Variants in PRDM16 observed in about 807,000 individuals in gnomAD.
The protein encoded by PRDM16 is histone-lysine N-methyltransferase PRDM16.
Under a neutral mutation model 110.6 loss-of-function variants are expected in PRDM16, and 23 were observed. That is an observed-to-expected ratio of 0.21 (90% confidence interval 0.15 to 0.29). The LOEUF (loss-of-function observed/expected upper bound fraction) is 0.29, where lower values mean the gene tolerates loss of function less well. Ranked by LOEUF, PRDM16 falls within the 10% of genes least tolerant of loss-of-function variation. The pLI, the probability that PRDM16 is intolerant of heterozygous loss-of-function variation, is 1.00. For missense variants in PRDM16, 1,615 were observed against 1,794.3 expected (o/e 0.90, Z 1.81); for synonymous variants, 799 against 781.8 (o/e 1.02, Z -0.37).
intron 1 of PRDM16, among the ~76,000 whole-genome samples, chr1:3,127,145 T>C (rs943725742): frequency 2.0e-5 from 3 of 152,264 alleles, no homozygotes; most frequent in African/African-American, 7.2e-5. Context: ...GTCTCTTGTT[T>C]TGCAAAACTC....
chr1:3,351,844 T>TC (rs985310757), intron 3 of PRDM16, among the ~76,000 whole-genome samples: 6 of 147,068 alleles, frequency 4.1e-5, no homozygotes, highest in Non-Finnish European at 9.0e-5. Flanking sequence ...GGGTTCCGCC[T>TC]CCCCCTTGAG....
At chr1:3,377,896 T>C (rs1643022788) in intron 3 of PRDM16, among the ~76,000 whole-genome samples, 1 of 152,314 alleles carries the variant, frequency 6.6e-6, no homozygotes, top group Admixed American at 6.5e-5. Flanking sequence ...CCACTTCTTA[T>C]CTGTACTGGC....
At chr1:3,315,149 G>A (rs1202946425) in intron 3 of PRDM16, among the ~76,000 whole-genome samples, 4 of 146,160 alleles carry the variant, frequency 2.7e-5, no homozygotes, top group African/African-American at 5.1e-5. Flanking sequence ...TTTCTCCCCC[G>A]CTTCACTCCG....
At chr1:3,197,973 C>G (rs12095357) in intron 2 of PRDM16, among the ~76,000 whole-genome samples, 3,743 of 152,290 alleles carry the variant, frequency 0.025, 156 homozygotes, top group African/African-American at 0.081. Flanking sequence ...TCTCATGGGC[C>G]GGGTCATCAG....
At chr1:3,402,730 C>T in intron 5 of PRDM16, 61 bp from the exon 6 acceptor site, 3 of 1,495,360 alleles carry the variant, frequency 2.0e-6, no homozygotes, top group African/African-American at 2.7e-5. Context: ...TCCAGAGTCC[C>T]CTGATAGCCC....
Position 3,353,303 on chromosome 1 carries a change from C to T in PRDM16, c.439-31849C>T, listed in dbSNP as rs1377106291. ...GGCAGGCCCATTTCTCACCTGCAGC[C>T]TGGGTCCCTGCAGAAACCTGGCTCG... is the stretch of plus-strand genomic sequence containing the variant. On this transcript the variant is annotated intron_variant, in intron 3 of 16. Coordinates refer to ENST00000270722, the MANE Select transcript of PRDM16 (RefSeq NM_022114.4). This position sits in a 1 kb window ranked among gnomAD's most constrained non-coding sequence, Gnocchi z 5.4. Among the ~76,000 whole-genome samples, 1 of 152,244 alleles carries T rather than the reference C, an allele frequency of 6.6e-6. No homozygotes were observed. The highest frequency in any genetic ancestry group is 1.5e-5 in the Non-Finnish European group (1 of 68,038).
intron 3 of PRDM16, among the ~76,000 whole-genome samples, chr1:3,374,498 G>A (rs561320629): frequency 5.3e-5 from 8 of 152,300 alleles, no homozygotes; most frequent in Admixed American, 2.0e-4. Flanking sequence ...AAGGTCCAAG[G>A]ACTCCCCCAC....
intron 10 of PRDM16, among the ~76,000 whole-genome samples, chr1:3,415,492 T>A (rs1441052747): frequency 6.6e-6 from 1 of 152,272 alleles, no homozygotes; most frequent in African/African-American, 2.4e-5. Flanking sequence ...AGTTCACAGC[T>A]AAACTTAGCG....
intron 1 of PRDM16, among the ~76,000 whole-genome samples, chr1:3,141,003 T>C (rs1643540442): frequency 1.3e-5 from 2 of 152,324 alleles, no homozygotes; most frequent in South Asian, 2.1e-4. Context: ...GGAGTCCCCA[T>C]GTCCCTGGGT....
intron 11 of PRDM16, 90 bp downstream of exon 11, chr1:3,418,087 C>G (rs1434951278): frequency 2.7e-6 from 3 of 1,124,028 alleles, no homozygotes; most frequent in South Asian, 3.0e-5. Flanking sequence ...AGGAAAAACT[C>G]AGAGTCCCGG....
intron 1 of PRDM16, among the ~76,000 whole-genome samples, chr1:3,132,655 C>T (rs1643357676): frequency 6.6e-6 from 1 of 152,208 alleles, no homozygotes; most frequent in African/African-American, 2.4e-5. Flanking sequence ...TAGAGCCACC[C>T]GGTTCATACT....
intron 1 of PRDM16, among the ~76,000 whole-genome samples, chr1:3,074,424 TGTGTGC>T (rs1194426912): frequency 6.6e-6 from 1 of 151,994 alleles, no homozygotes; most frequent in East Asian, 1.9e-4. Flanking sequence ...TGTGTGTGTG[TGTGTGC>T]GCGTGTGTGT....
intron 2 of PRDM16, among the ~76,000 whole-genome samples, chr1:3,199,679 G>A (rs1638569382): frequency 6.6e-6 from 1 of 152,180 alleles, no homozygotes; most frequent in Admixed American, 6.5e-5. Context: ...CCTCTCTAGT[G>A]CATGAAGAAT....
At chr1:3,341,820 T>C (rs1482558595) in intron 3 of PRDM16, among the ~76,000 whole-genome samples, 2 of 152,258 alleles carry the variant, frequency 1.3e-5, no homozygotes, top group African/African-American at 4.8e-5. Context: ...GCGCACTGTG[T>C]GGCCAGACGG....
intron 1 of PRDM16, among the ~76,000 whole-genome samples, chr1:3,179,853 C>T (rs1022628166): frequency 6.6e-6 from 1 of 152,168 alleles, no homozygotes; most frequent in African/African-American, 2.4e-5. Context: ...GCCCAGAGAT[C>T]TGTGGCCTGA....
intron 3 of PRDM16, among the ~76,000 whole-genome samples, chr1:3,379,066 ACCCTCCCCAACACACC>A (rs1643046261): frequency 6.9e-6 from 1 of 144,154 alleles, no homozygotes; most frequent in Non-Finnish European, 1.5e-5. Flanking sequence ...TTCCTGGTGC[ACCCTCCCCAACACACC>A]CCCTCCCGGT....
At chr1:3,113,212 C>T (rs1159906697) in intron 1 of PRDM16, among the ~76,000 whole-genome samples, 6 of 152,220 alleles carry the variant, frequency 3.9e-5, no homozygotes, top group Non-Finnish European at 8.8e-5. Context: ...ATGTTCTCCC[C>T]CAAGCTCTGG....
At chr1:3,106,604 G>A (rs914409133) in intron 1 of PRDM16, among the ~76,000 whole-genome samples, 2 of 152,194 alleles carry the variant, frequency 1.3e-5, no homozygotes, top group Non-Finnish European at 2.9e-5. Context: ...GGTGCGCTGG[G>A]TGGCAGAGCT....
intron 3 of PRDM16, among the ~76,000 whole-genome samples, chr1:3,332,467 C>T (rs1014050126): frequency 2.6e-5 from 4 of 151,608 alleles, no homozygotes; most frequent in Non-Finnish European, 2.9e-5. Flanking sequence ...GGCCCCCCCT[C>T]GGTTCGGTTT....
Sources: allele counts gnomAD v4.1 joint callset (sites outside exome capture counted in the v4.1 genomes callset), GRCh38; gene constraint gnomAD v4.1.1; non-coding constraint Gnocchi (gnomAD v3.1); transcripts MANE v1.5; gene names NCBI Gene and HGNC (gene_info 2026-07-23, HGNC 2026-07-21).